The following RFX3 variants were observed in gnomAD, a reference collection of about 807,000 sequenced individuals.
RFX3 encodes the protein transcription factor RFX3.
A neutral mutation model predicts 98.6 loss-of-function variants in RFX3; 14 were observed. That is an observed-to-expected ratio of 0.14 (90% CI 0.09 to 0.22). The LOEUF is 0.22. Among genes scored for constraint, RFX3 ranks in the 10% least tolerant of loss-of-function variants. The pLI, the probability that RFX3 is intolerant of heterozygous loss-of-function variation, is 1.00. For missense variants in RFX3, 639 were observed against 926.9 expected, an observed-to-expected ratio of 0.69 and a Z score of 4.03; for synonymous variants, 383 against 328.4, an observed-to-expected ratio of 1.17 and a Z score of -1.80.
intron 1 of RFX3, among the ~76,000 whole-genome samples, chr9:3,524,869 ACACACAC>A (rs1819081592): frequency 8.5e-6 from 1 of 117,782 alleles, no homozygotes; most frequent in Non-Finnish European, 1.6e-5. Flanking sequence ...ACACACACAC[ACACACAC>A]ACCAAAGAAG....
intron 14 of RFX3, among the ~76,000 whole-genome samples, chr9:3,249,381 A>C (rs979424386): frequency 6.6e-5 from 10 of 152,194 alleles, no homozygotes; most frequent in African/African-American, 2.2e-4. Flanking sequence ...TGTTGATCTC[A>C]AAAACATCAT....
chr9:3,318,271 G>C (rs1456135045), intron 4 of RFX3, among the ~76,000 whole-genome samples: 1 of 152,090 alleles, frequency 6.6e-6, no homozygotes, highest in African/African-American at 2.4e-5. Flanking sequence ...CTAGTGCAAG[G>C]ACAGAAATCC....
At chr9:3,225,697 C>T (rs990173568) in intron 16 of RFX3, among the ~76,000 whole-genome samples, 2 of 152,096 alleles carry the variant, frequency 1.3e-5, no homozygotes, top group African/African-American at 4.8e-5. Context: ...CTCCAAAAAT[C>T]TACACTAAAT....
Position 3,229,731 on chromosome 9 carries a change from A to G in RFX3, c.1969-842T>C, listed in dbSNP as rs530464902. On this transcript the variant is annotated intron_variant, in intron 15 of 16. Coordinates refer to ENST00000617270, the MANE Select transcript of RFX3 (RefSeq NM_001282116.2). Reference sequence around the variant, plus strand: ...TAAACATTACTTTTTTAAGGTAATAAGTCATTATTAGAAATTCAGATTTCT... The same window carrying G: ...TAAACATTACTTTTTTAAGGTAATAGGTCATTATTAGAAATTCAGATTTCT... Among the ~76,000 whole-genome samples the G allele has an allele frequency of 5.9e-5, 9 of 152,332 alleles. No homozygotes were observed. In the South Asian group the frequency reaches 1.9e-3, roughly 32 times the overall value.
intron 1 of RFX3, among the ~76,000 whole-genome samples, chr9:3,403,354 C>T (rs1197063090): frequency 6.6e-6 from 1 of 152,070 alleles, no homozygotes; most frequent in East Asian, 1.9e-4. Context: ...TATAAAAACG[C>T]TGCCTCTTTA....
chr9:3,298,499 G>A (rs545341631), intron 5 of RFX3, among the ~76,000 whole-genome samples: 2 of 151,880 alleles, frequency 1.3e-5, no homozygotes, highest in South Asian at 4.1e-4. Context: ...AATATTTAGT[G>A]AGTATCTACT....
intron 1 of RFX3, among the ~76,000 whole-genome samples, chr9:3,476,978 C>T (rs988122016): frequency 3.9e-5 from 6 of 152,148 alleles, no homozygotes; most frequent in African/African-American, 1.4e-4. Flanking sequence ...ATAACACACC[C>T]TAGTGAGATA....
intron 6 of RFX3, among the ~76,000 whole-genome samples, chr9:3,288,679 GAACA>G (rs1249553367): frequency 2.0e-5 from 3 of 151,940 alleles, no homozygotes; most frequent in Non-Finnish European, 2.9e-5. Flanking sequence ...CATGTATATA[GAACA>G]AAGAAAAAAT....
intron 3 of RFX3, among the ~76,000 whole-genome samples, chr9:3,343,694 C>T: frequency 6.6e-6 from 1 of 152,108 alleles, no homozygotes; most frequent in Non-Finnish European, 1.5e-5. Context: ...AAAAATGATG[C>T]TACAGAACCT....
chr9:3,523,372 A>AT (rs1213882832), intron 1 of RFX3, among the ~76,000 whole-genome samples: 1 of 152,216 alleles, frequency 6.6e-6, no homozygotes, highest in African/African-American at 2.4e-5. Flanking sequence ...TAATTTTTAA[A>AT]TTTACCATTT....
intron 1 of RFX3, among the ~76,000 whole-genome samples, chr9:3,440,569 T>C (rs1845527188): frequency 6.6e-6 from 1 of 152,088 alleles, no homozygotes; most frequent in Non-Finnish European, 1.5e-5. Context: ...ACTACAAAAA[T>C]ACTTCTAAAA....
At chr9:3,241,229 T>G (rs1393099469) in intron 15 of RFX3, among the ~76,000 whole-genome samples, 3 of 151,718 alleles carry the variant, frequency 2.0e-5, no homozygotes, top group Non-Finnish European at 4.4e-5. Flanking sequence ...TTTTTGTTTT[T>G]TTTTTTTTTG....
At chr9:3,332,692 G>C (rs2130917002) in intron 3 of RFX3, among the ~76,000 whole-genome samples, 1 of 152,196 alleles carries the variant, frequency 6.6e-6, no homozygotes, top group South Asian at 2.1e-4. Context: ...AATCATCAGG[G>C]GGTCGTGCCT....
At chr9:3,415,166 T>C (rs1842876968) in intron 1 of RFX3, among the ~76,000 whole-genome samples, 1 of 138,502 alleles carries the variant, frequency 7.2e-6, no homozygotes, top group African/African-American at 2.7e-5. Flanking sequence ...CTTATATATA[T>C]ATACTTATAT....
intron 2 of RFX3, among the ~76,000 whole-genome samples, chr9:3,361,421 A>G (rs1159827596): frequency 6.6e-6 from 1 of 152,140 alleles, no homozygotes; most frequent in Non-Finnish European, 1.5e-5. Context: ...AGAAAAGAAA[A>G]AGCATACGGG....
chr9:3,228,813 A>C lies in RFX3; in HGVS notation c.2011+34T>G, dbSNP rs371917020. On this transcript the variant is annotated intron_variant, in intron 16 of 16. Coordinates refer to ENST00000617270, the MANE Select transcript of RFX3 (RefSeq NM_001282116.2). Reference sequence around the variant, plus strand: ...CTGTAAGAACTTATTAATAAATAAAAGTTCTTAAAATGTACATTATTTTCG... The same window carrying C: ...CTGTAAGAACTTATTAATAAATAAACGTTCTTAAAATGTACATTATTTTCG... The C allele has an allele frequency of 2.5e-6, 4 of 1,568,648 alleles. No individual in the cohort carries two copies. In the Admixed American group the frequency reaches 7.2e-5, roughly 28 times the overall value.
At chr9:3,469,285 T>C (rs1366696375) in intron 1 of RFX3, 1 of 343,256 alleles carries the variant, frequency 2.9e-6, no homozygotes, top group Non-Finnish European at 5.9e-6. Context: ...CTATTTCATA[T>C]ACATTATTTT....
chr9:3,478,160 G>A (rs148259799), intron 1 of RFX3, among the ~76,000 whole-genome samples: 1,716 of 151,690 alleles, frequency 0.011, 19 homozygotes, highest in Middle Eastern at 0.02. Context: ...TTTTTTGTTC[G>A]TTTTTTATTA....
chr9:3,315,973 T>A (rs1830535438), intron 4 of RFX3, among the ~76,000 whole-genome samples: 1 of 152,154 alleles, frequency 6.6e-6, no homozygotes. Context: ...CCATTCCTTC[T>A]GAAACTATTC....
Sources: allele counts gnomAD v4.1 joint callset (sites outside exome capture counted in the v4.1 genomes callset), GRCh38; gene constraint gnomAD v4.1.1; transcripts MANE v1.5; gene names NCBI Gene and HGNC (gene_info 2026-07-23, HGNC 2026-07-21).